KSR1: variants seen among roughly 807,000 people sequenced by gnomAD.
The protein encoded by KSR1 is kinase suppressor of ras.
Under a neutral mutation model 92.9 loss-of-function variants are expected in KSR1, and 35 were observed. That is an observed-to-expected ratio of 0.38 (90% CI 0.29 to 0.50). The LOEUF (loss-of-function observed/expected upper bound fraction) is 0.50, where lower values mean the gene tolerates loss of function less well. Among genes scored for constraint, KSR1 ranks in the 20% least tolerant of loss-of-function variants. KSR1 has a pLI of 0.94. For synonymous variants in KSR1, 467 were observed against 472.6 expected (o/e 0.99, Z 0.15); for missense variants, 972 against 1,158.5 (o/e 0.84, Z 2.34).
intron 1 of KSR1, among the ~76,000 whole-genome samples, chr17:27,538,182 T>G (rs1261002823): frequency 6.6e-6 from 1 of 152,228 alleles, no homozygotes; most frequent in East Asian, 1.9e-4. Flanking sequence ...TTTGGAATAC[T>G]GCGGACTTAA....
chr17:27,621,771 A>C (rs1227342441), intron 20 of KSR1, among the ~76,000 whole-genome samples: 1 of 152,160 alleles, frequency 6.6e-6, no homozygotes, highest in Non-Finnish European at 1.5e-5. Context: ...CAGTGCAGCC[A>C]AGCCTGGGGG....
chr17:27,591,964 TG>T (rs1296655413), intron 7 of KSR1, among the ~76,000 whole-genome samples: 1 of 152,254 alleles, frequency 6.6e-6, no homozygotes, highest in Admixed American at 6.5e-5. Context: ...TTTGGGTCCC[TG>T]GGATTCTTTG....
intron 14 of KSR1, 32 bp downstream of exon 14, chr17:27,605,845 G>A: frequency 6.2e-7 from 1 of 1,608,384 alleles, no homozygotes; most frequent in Non-Finnish European, 8.5e-7. Context: ...ATGCTGGATG[G>A]CCAGCTCAGC....
rs2019178406 is a variant in KSR1 at position 27,456,700 on chromosome 17, C to CG, written c.64dup (p.Asp22GlyfsTer65). ...TGGGAGAGAAGAAGGAGGGCGGTGG[C>CG]GGGGGGGATGCGGCGGCCGCGGAGG... On this transcript the variant is annotated frameshift_variant, in exon 1 of 21. Coordinates refer to ENST00000644974, the MANE Select transcript of KSR1 (RefSeq NM_001394583.1). LOFTEE classifies it high-confidence loss of function. 10 of 802,120 alleles carry CG rather than the reference C, an allele frequency of 1.2e-5. No individual in the cohort carries two copies. The highest frequency in any genetic ancestry group is 1.7e-5 in the African/African-American group (1 of 57,838). 49.7% of individuals were successfully genotyped at this position (802,120 alleles called of 1,614,324 possible).
At chr17:27,527,048 G>T in intron 1 of KSR1, 1 of 463,042 alleles carries the variant, frequency 2.2e-6, no homozygotes, top group South Asian at 2.4e-5. Flanking sequence ...GCTCGGCTGA[G>T]AGTTGCATTC....
chr17:27,552,752 C>A (rs1466812386), intron 2 of KSR1, among the ~76,000 whole-genome samples: 1 of 152,186 alleles, frequency 6.6e-6, no homozygotes, highest in Non-Finnish European at 1.5e-5. Flanking sequence ...CTGAGCAGCC[C>A]TTTCCTGGGA....
rs768181296 is a variant in KSR1, at chr17:27,605,628, C to T, written c.1809C>T (p.Gly603=). ...LGEPIGQGRW[G]RVHRGRWHGE... ...AGCCCATCGGGCAGGGCCGCTGGGGCCGGGTGCACCGCGGCCGCTGGCATG... is the reference window on the plus strand; with the variant it reads ...AGCCCATCGGGCAGGGCCGCTGGGGTCGGGTGCACCGCGGCCGCTGGCATG... The change falls in exon 14 of 21, where the codon GGC becomes GGT. Residue 603 remains glycine (G), a synonymous_variant. Coordinates refer to ENST00000644974, the MANE Select transcript of KSR1 (RefSeq NM_001394583.1). 1 of 1,608,758 alleles carries T rather than the reference C, an allele frequency of 6.2e-7. No homozygotes were observed.
At chr17:27,563,107 C>A (rs2071899422) in intron 2 of KSR1, among the ~76,000 whole-genome samples, 2 of 152,224 alleles carry the variant, frequency 1.3e-5, no homozygotes, top group African/African-American at 4.8e-5. Context: ...TGCCACCTCC[C>A]TGGTCCTGAC....
At chr17:27,535,948 T>A (rs987550411) in intron 1 of KSR1, among the ~76,000 whole-genome samples, 1 of 152,262 alleles carries the variant, frequency 6.6e-6, no homozygotes, top group African/African-American at 2.4e-5. Flanking sequence ...CACAGCAATG[T>A]GAGAGGGCCC....
chr17:27,470,401 C>T (rs1418918440), intron 1 of KSR1, among the ~76,000 whole-genome samples: 2 of 151,976 alleles, frequency 1.3e-5, no homozygotes, highest in Non-Finnish European at 2.9e-5. Flanking sequence ...GCCACCACGC[C>T]CAGCTAATTT....
chr17:27,520,170 A>G (rs2069964207), intron 1 of KSR1, among the ~76,000 whole-genome samples: 1 of 152,176 alleles, frequency 6.6e-6, no homozygotes. Flanking sequence ...AGTTTCGGAG[A>G]GTTTCTGAAA....
intron 1 of KSR1, among the ~76,000 whole-genome samples, chr17:27,467,865 C>G (rs1351717229): frequency 7.0e-6 from 1 of 142,990 alleles, no homozygotes; most frequent in Non-Finnish European, 1.5e-5. Flanking sequence ...GGCTGTAGTT[C>G]CGTGGCGCAA....
intron 17 of KSR1, 133 bp downstream of exon 17, chr17:27,610,331 CCT>C: frequency 8.4e-7 from 1 of 1,196,848 alleles, no homozygotes; most frequent in Non-Finnish European, 1.2e-6. Flanking sequence ...AACCTTGAGT[CCT>C]GGCTCTGCCG....
In KSR1 at chr17:27,624,522, C is replaced by T. The variant is rs911296749; in HGVS notation, c.*1130C>T. The T allele has an allele frequency of 6.6e-6, 1 of 152,166 alleles. No individual in the cohort carries two copies. The highest frequency in any genetic ancestry group is 2.4e-5 in the African/African-American group (1 of 41,424). The allele number at this position is 152,166 out of a possible 1,614,324, so 9.4% of individuals were successfully genotyped here. On this transcript the variant is annotated 3_prime_UTR_variant, in exon 21 of 21. Transcript: ENST00000644974. Reference sequence around the variant, plus strand: ...CCATCTGCAGAGCCTTCCTTAGCACCATTAGGCCTTCTACTTGTGTCCATT... The same window carrying T: ...CCATCTGCAGAGCCTTCCTTAGCACTATTAGGCCTTCTACTTGTGTCCATT...
Position 27,625,783 on chromosome 17 carries a change from A to G in KSR1, c.*2391A>G, listed in dbSNP as rs1329350451. 1 of 152,082 alleles carries G rather than the reference A, an allele frequency of 6.6e-6. No homozygotes were observed. The highest frequency in any genetic ancestry group is 1.5e-5 in the Non-Finnish European group (1 of 68,026). 9.4% of individuals were successfully genotyped at this position (152,082 alleles called of 1,614,324 possible). A position where few individuals can be genotyped will look rare whatever the true frequency, so the allele number is the denominator to read the frequency against. ...GAGAAGGCTGGGAGGGCTCGGGGAG[A>G]GCTCTTAGGGGCTGCGGAAGTCCCC... On this transcript the variant is annotated 3_prime_UTR_variant, in exon 21 of 21. Coordinates refer to ENST00000644974, the MANE Select transcript of KSR1 (RefSeq NM_001394583.1).
chr17:27,515,748 C>G (rs557984446), intron 1 of KSR1, among the ~76,000 whole-genome samples: 1 of 151,078 alleles, frequency 6.6e-6, no homozygotes, highest in Non-Finnish European at 1.5e-5. Flanking sequence ...ATGGGAGAAA[C>G]CAGAGAACCC....
chr17:27,585,751 T>A, intron 5 of KSR1, 90 bp downstream of exon 5: 1 of 720,988 alleles, frequency 1.4e-6, no homozygotes, highest in Admixed American at 2.0e-5. Context: ...TTGACCCACC[T>A]CTTAGCCCGT....
intron 2 of KSR1, 129 bp downstream of exon 2, chr17:27,550,837 GA>G: frequency 1.6e-6 from 1 of 622,758 alleles, no homozygotes; most frequent in Non-Finnish European, 2.9e-6. Flanking sequence ...TGAGAAGGAG[GA>G]TGGGGAGGGA....
At chr17:27,566,088 G>A (rs1458182941) in intron 2 of KSR1, among the ~76,000 whole-genome samples, 1 of 152,154 alleles carries the variant, frequency 6.6e-6, no homozygotes, top group Non-Finnish European at 1.5e-5. Flanking sequence ...TCATGTGGGG[G>A]TGGGGGTTCC....
Sources: gnomAD v4.1 joint callset for allele counts (sites outside exome capture counted in the v4.1 genomes callset) on GRCh38, gnomAD v4.1.1 for gene constraint, MANE v1.5 for transcripts, NCBI Gene and HGNC (gene_info 2026-07-23, HGNC 2026-07-21) for gene names.